The following USH2A variants were observed in gnomAD, a reference collection of about 807,000 sequenced individuals.
USH2A encodes usherin.
USH2A carries 443 observed loss-of-function variants against 538.9 expected under a neutral mutation model. That is an observed-to-expected ratio of 0.82 (90% CI 0.76 to 0.89). The LOEUF (loss-of-function observed/expected upper bound fraction) is 0.89. Among genes scored for constraint, USH2A ranks in the 40% least tolerant of loss-of-function variants. The probability of loss-of-function intolerance (pLI) is 0.00; values close to 1 mark genes in which losing one functional copy is unlikely to be tolerated. For missense variants in USH2A, 6,633 were observed against 6,324.8 expected (o/e 1.05, Z -1.65); for synonymous variants, 2,413 against 2,273.5 (o/e 1.06, Z -1.75).
intron 63 of USH2A, among the ~76,000 whole-genome samples, chr1:215,672,918 T>C (rs1657871623): frequency 6.6e-6 from 1 of 152,220 alleles, no homozygotes; most frequent in South Asian, 2.1e-4. Flanking sequence ...CTTTCATGCC[T>C]GGACAAACTC....
chr1:215,756,264 T>A lies in USH2A; in HGVS notation c.11389+2331A>T, dbSNP rs559343835. 5.3e-5 allele frequency among the ~76,000 whole-genome samples: 8 copies of A among 152,316 alleles called. No individual in the cohort carries two copies. The South Asian group carries it at 1.2e-3, about 24-fold the overall frequency. ...GCTAATAGGTGGCAGTATTGGGATA[T>A]GAATCCAGGCTTTTTCATTTCTCTT... is the stretch of plus-strand genomic sequence containing the variant. On this transcript the variant is annotated intron_variant, in intron 58 of 71. Transcript: ENST00000307340.
At chr1:215,943,943 C>T (rs1666697650) in intron 37 of USH2A, among the ~76,000 whole-genome samples, 1 of 152,132 alleles carries the variant, frequency 6.6e-6, no homozygotes, top group Non-Finnish European at 1.5e-5. Context: ...ATAATGTTTA[C>T]TGTTTGTTAA....
chr1:215,657,354 C>T (rs1020730837), intron 64 of USH2A, among the ~76,000 whole-genome samples: 1 of 152,136 alleles, frequency 6.6e-6, no homozygotes, highest in Non-Finnish European at 1.5e-5. Flanking sequence ...GCTGGAATCG[C>T]GGTTAAAGAA....
chr1:215,623,186 A>G lies in USH2A; in HGVS notation c.*2595T>C, dbSNP rs1655860538. On this transcript the variant is annotated 3_prime_UTR_variant, in exon 72 of 72. Transcript: ENST00000307340. Reference sequence around the variant, plus strand: ...CAACTGTACTCTTACCAAACAGTTGATATTAAGAATAACAAAACATGGTAG... The same window carrying G: ...CAACTGTACTCTTACCAAACAGTTGGTATTAAGAATAACAAAACATGGTAG... The G allele has an allele frequency of 6.6e-6, 1 of 152,258 alleles. No homozygotes were observed. Among genetic ancestry groups the G allele is most frequent in the Middle Eastern group, 3.4e-3 (1 of 294 alleles). The allele number at this position is 152,258 out of a possible 1,614,324, so 9.4% of individuals were successfully genotyped here.
At chr1:215,808,619 C>CT (rs952757728) in intron 49 of USH2A, among the ~76,000 whole-genome samples, 3 of 152,056 alleles carry the variant, frequency 2.0e-5, no homozygotes, top group African/African-American at 7.2e-5. Context: ...CAATTGTCAA[C>CT]TTTTTTCTCC....
chr1:215,895,787 C>T (rs762094557), intron 40 of USH2A, among the ~76,000 whole-genome samples: 1 of 152,200 alleles, frequency 6.6e-6, no homozygotes, highest in African/African-American at 2.4e-5. Context: ...CTGACAGATG[C>T]ACCATTAGGC....
At chr1:215,775,228 C>G (rs1470277875) in intron 55 of USH2A, among the ~76,000 whole-genome samples, 1 of 152,134 alleles carries the variant, frequency 6.6e-6, no homozygotes, top group African/African-American at 2.4e-5. Flanking sequence ...AAACACGGTA[C>G]CATGCTTGGA....
intron 38 of USH2A, among the ~76,000 whole-genome samples, chr1:215,923,798 T>C (rs1255971973): frequency 6.6e-6 from 1 of 152,030 alleles, no homozygotes; most frequent in East Asian, 1.9e-4. Context: ...CCAAGGTAAA[T>C]GGTGAGAGGG....
chr1:215,694,663 C>A (rs1658743079), intron 61 of USH2A, among the ~76,000 whole-genome samples: 1 of 152,172 alleles, frequency 6.6e-6, no homozygotes, highest in Non-Finnish European at 1.5e-5. Flanking sequence ...TGAATTTACT[C>A]ACAGGTCCAC....
intron 46 of USH2A, among the ~76,000 whole-genome samples, chr1:215,842,290 T>C (rs544963525): frequency 1.2e-4 from 19 of 152,306 alleles, no homozygotes; most frequent in Non-Finnish European, 2.5e-4. Flanking sequence ...ATGGTGATTA[T>C]TGAAAAGTCA....
intron 21 of USH2A, among the ~76,000 whole-genome samples, chr1:216,119,612 CATATAA>C (rs959537227): frequency 1.3e-5 from 2 of 151,868 alleles, no homozygotes; most frequent in African/African-American, 2.4e-5. Flanking sequence ...CGAAATATCC[CATATAA>C]ATATATTTTT....
chr1:216,019,990 G>A (rs932089471), intron 32 of USH2A, among the ~76,000 whole-genome samples: 2 of 152,108 alleles, frequency 1.3e-5, no homozygotes, highest in Admixed American at 6.6e-5. Flanking sequence ...AGTAGTATTT[G>A]GCCCATTATA....
At position 216,326,279 on chromosome 1, in the gene USH2A, T is replaced by C. The variant is rs142991303; in HGVS notation, c.849-680A>G. On this transcript the variant is annotated intron_variant, in intron 5 of 71. Transcript: ENST00000307340. ...GAATTAGTCATTCTATTTATAGGCA[T>C]TCTTCCACATAGCACCTTCCCAGAC... 3.2e-3 allele frequency among the ~76,000 whole-genome samples: 489 copies of C among 152,326 alleles called. 4 individuals are homozygous for C. The highest frequency in any genetic ancestry group is 0.011 in the African/African-American group (475 of 41,578).
intron 32 of USH2A, among the ~76,000 whole-genome samples, chr1:216,037,146 A>G (rs2030021577): frequency 1.3e-5 from 2 of 152,076 alleles, no homozygotes; most frequent in African/African-American, 2.4e-5. Flanking sequence ...TAAGATTAGG[A>G]AACGAAAAGA....
At chr1:216,119,070 C>G (rs1191960929) in intron 21 of USH2A, among the ~76,000 whole-genome samples, 1 of 152,198 alleles carries the variant, frequency 6.6e-6, no homozygotes, top group Non-Finnish European at 1.5e-5. Context: ...TTAAAAATCA[C>G]TAAGCTATTA....
At chr1:216,341,102 T>C (rs924304636) in intron 4 of USH2A, among the ~76,000 whole-genome samples, 5 of 152,234 alleles carry the variant, frequency 3.3e-5, no homozygotes, top group Non-Finnish European at 7.4e-5. Context: ...AACGCCATTG[T>C]TTCAGCCCCA....
intron 61 of USH2A, among the ~76,000 whole-genome samples, chr1:215,685,740 A>G (rs1658405397): frequency 6.6e-6 from 1 of 152,052 alleles, no homozygotes; most frequent in Non-Finnish European, 1.5e-5. Flanking sequence ...ATACTTATCC[A>G]TGGTTCACTT....
chr1:216,351,327 A>G (rs1269388967), intron 4 of USH2A, among the ~76,000 whole-genome samples: 1 of 152,168 alleles, frequency 6.6e-6, no homozygotes, highest in Non-Finnish European at 1.5e-5. Flanking sequence ...AGAAAGATGT[A>G]TTTAAGAAAC....
intron 11 of USH2A, among the ~76,000 whole-genome samples, chr1:216,259,143 C>A (rs932821202): frequency 9.2e-5 from 14 of 152,206 alleles, no homozygotes; most frequent in African/African-American, 3.4e-4. Flanking sequence ...ATCAGCACTA[C>A]ACTTTCTTAC....
Sources: allele counts gnomAD v4.1 joint callset (sites outside exome capture counted in the v4.1 genomes callset), GRCh38; gene constraint gnomAD v4.1.1; transcripts MANE v1.5; gene names NCBI Gene and HGNC (gene_info 2026-07-23, HGNC 2026-07-21).